The following CDKAL1 variants were observed in gnomAD, a reference collection of about 807,000 sequenced individuals.
The protein encoded by CDKAL1 is threonylcarbamoyladenosine tRNA methylthiotransferase.
CDKAL1 carries 32 observed loss-of-function variants against 68.2 expected under a neutral mutation model. The observed-to-expected ratio is 0.47, with a 90% CI of 0.35 to 0.63. The LOEUF (loss-of-function observed/expected upper bound fraction) is 0.63. Among genes scored for constraint, CDKAL1 ranks in the 30% least tolerant of loss-of-function variants. The pLI is 0.00. For synonymous variants in CDKAL1, 234 were observed against 244.3 expected (o/e 0.96, Z 0.39); for missense variants, 606 against 696.7 (o/e 0.87, Z 1.47).
intron 8 of CDKAL1, among the ~76,000 whole-genome samples, 179 bp from the exon 9 acceptor site, chr6:20,845,896 G>A (rs1019658840): frequency 2.6e-5 from 4 of 152,128 alleles, no homozygotes; most frequent in African/African-American, 9.7e-5. Context: ...GCAAATTTTT[G>A]TGCCTGGTGG....
chr6:21,090,268 C>G (rs147583020), intron 12 of CDKAL1, among the ~76,000 whole-genome samples: 1 of 152,296 alleles, frequency 6.6e-6, no homozygotes, highest in East Asian at 1.9e-4. Flanking sequence ...CTGTACCAAG[C>G]ATTTTATTGA....
chr6:20,742,527 T>C (rs1773503558), intron 6 of CDKAL1, among the ~76,000 whole-genome samples: 1 of 152,150 alleles, frequency 6.6e-6, no homozygotes, highest in South Asian at 2.1e-4. Context: ...TATTTTTTGA[T>C]GTTCTTTCAT....
chr6:20,676,417 C>T (rs1770100596), intron 5 of CDKAL1, among the ~76,000 whole-genome samples: 1 of 152,072 alleles, frequency 6.6e-6, no homozygotes. Flanking sequence ...CCTGTAATCC[C>T]AACACTTTGG....
At chr6:20,602,136 T>C (rs1455795701) in intron 4 of CDKAL1, among the ~76,000 whole-genome samples, 1 of 152,176 alleles carries the variant, frequency 6.6e-6, no homozygotes, top group African/African-American at 2.4e-5. Flanking sequence ...TATAATACTA[T>C]TTTGTAGATG....
chr6:20,606,162 T>C (rs1315091252), intron 4 of CDKAL1, among the ~76,000 whole-genome samples: 5 of 152,294 alleles, frequency 3.3e-5, no homozygotes, highest in African/African-American at 1.2e-4. Flanking sequence ...GGCCTGTTTT[T>C]TGGTCGTTTC....
intron 13 of CDKAL1, among the ~76,000 whole-genome samples, chr6:21,193,348 G>A (rs1232269972): frequency 1.3e-5 from 2 of 152,190 alleles, no homozygotes; most frequent in African/African-American, 2.4e-5. Flanking sequence ...GGCTTGATTA[G>A]AGTACATAAT....
intron 2 of CDKAL1, among the ~76,000 whole-genome samples, chr6:20,542,954 A>G (rs1763445352): frequency 6.6e-6 from 1 of 152,242 alleles, no homozygotes; most frequent in Admixed American, 6.5e-5. Flanking sequence ...TTCATTCAGC[A>G]TAATTCTCAG....
At chr6:21,113,341 A>G (rs557712920) in intron 13 of CDKAL1, among the ~76,000 whole-genome samples, 1 of 152,214 alleles carries the variant, frequency 6.6e-6, no homozygotes, top group East Asian at 1.9e-4. Context: ...TACTACAGAG[A>G]GTGGTTGAAT....
At chr6:20,599,338 T>C (rs1037235745) in intron 4 of CDKAL1, 2 of 452,418 alleles carry the variant, frequency 4.4e-6, no homozygotes, top group Non-Finnish European at 8.9e-6. Flanking sequence ...TACTTGGAAA[T>C]AAAATAATTT....
At chr6:21,093,554 G>C (rs986715443) in intron 12 of CDKAL1, among the ~76,000 whole-genome samples, 2 of 152,146 alleles carry the variant, frequency 1.3e-5, no homozygotes, top group Non-Finnish European at 2.9e-5. Context: ...GAAAGGTCCA[G>C]AGGAAACTTC....
intron 12 of CDKAL1, among the ~76,000 whole-genome samples, chr6:21,068,416 G>T (rs986817421): frequency 6.6e-6 from 1 of 152,066 alleles, no homozygotes; most frequent in Non-Finnish European, 1.5e-5. Flanking sequence ...GGTTTCAGGG[G>T]AAGTTCACGT....
intron 4 of CDKAL1, among the ~76,000 whole-genome samples, chr6:20,575,174 T>A (rs763466659): frequency 1.3e-5 from 2 of 152,136 alleles, no homozygotes; most frequent in Non-Finnish European, 2.9e-5. Context: ...ATTGGAGTAT[T>A]TGGTTTTGTA....
chr6:20,821,983 C>T (rs1777299879), intron 8 of CDKAL1, among the ~76,000 whole-genome samples: 1 of 152,138 alleles, frequency 6.6e-6, no homozygotes, highest in South Asian at 2.1e-4. Flanking sequence ...TAGCCCATTG[C>T]CTGCTTTTGT....
chr6:20,783,583 T>C (rs1393238191), intron 8 of CDKAL1, among the ~76,000 whole-genome samples: 2 of 152,180 alleles, frequency 1.3e-5, no homozygotes, highest in African/African-American at 4.8e-5. Flanking sequence ...GTTCACCTCA[T>C]GGGTGAGCCT....
intron 11 of CDKAL1, among the ~76,000 whole-genome samples, chr6:21,042,852 T>C (rs1240035731): frequency 3.3e-5 from 5 of 152,170 alleles, no homozygotes; most frequent in Non-Finnish European, 7.4e-5. Flanking sequence ...GATACTCCCA[T>C]TCATAGGCCC....
intron 4 of CDKAL1, among the ~76,000 whole-genome samples, chr6:20,582,468 T>C (rs1765178534): frequency 6.6e-6 from 1 of 152,214 alleles, no homozygotes; most frequent in Non-Finnish European, 1.5e-5. Context: ...TGGCTTTTCA[T>C]GAAGCAATTT....
chr6:21,067,440 C>T (rs1381873025), intron 12 of CDKAL1, among the ~76,000 whole-genome samples: 2 of 152,064 alleles, frequency 1.3e-5, no homozygotes, highest in African/African-American at 2.4e-5. Context: ...ATATATATCA[C>T]AGTTTATTCA....
At chr6:21,024,106 A>G (rs1768827955) in intron 11 of CDKAL1, among the ~76,000 whole-genome samples, 1 of 152,050 alleles carries the variant, frequency 6.6e-6, no homozygotes, top group South Asian at 2.1e-4. Context: ...AGAAATACCT[A>G]TTTTCTTGCA....
chr6:20,624,246 C>CT (rs1275568121), intron 4 of CDKAL1, among the ~76,000 whole-genome samples: 2 of 151,888 alleles, frequency 1.3e-5, no homozygotes, highest in African/African-American at 2.4e-5. Context: ...ATACCTTTTT[C>CT]TTTTTTTAAA....
Sources: gnomAD v4.1 joint callset for allele counts (sites outside exome capture counted in the v4.1 genomes callset) on GRCh38, gnomAD v4.1.1 for gene constraint, MANE v1.5 for transcripts, NCBI Gene and HGNC (gene_info 2026-07-23, HGNC 2026-07-21) for gene names.